The following ROPN1B variants were observed in gnomAD, a reference collection of about 807,000 sequenced individuals.
ROPN1B encodes the protein ropporin-1B.
A neutral mutation model predicts 23.7 loss-of-function variants in ROPN1B; 13 were observed. The observed-to-expected ratio is 0.55, with a 90% CI of 0.36 to 0.87. The LOEUF (loss-of-function observed/expected upper bound fraction) is 0.87, where lower values mean the gene tolerates loss of function less well. Ranked by LOEUF, ROPN1B falls within the 40% of genes least tolerant of loss-of-function variation. The pLI, the probability that ROPN1B is intolerant of heterozygous loss-of-function variation, is 0.01. For missense variants in ROPN1B, 183 were observed against 249.2 expected (o/e 0.73, Z 1.79); for synonymous variants, 67 against 100.4 (o/e 0.67, Z 1.99).
chr3:125,970,775 A>C (rs1938171958), intron 1 of ROPN1B, among the ~76,000 whole-genome samples: 1 of 152,224 alleles, frequency 6.6e-6, no homozygotes, highest in Non-Finnish European at 1.5e-5. Flanking sequence ...AAAAGAACAT[A>C]AATAAAGTAA....
chr3:125,975,633 A>G lies in ROPN1B; in HGVS notation c.187A>G (p.Asn63Asp). ...GCGGTCTGAGCGAGTCGCTTTGTGTAACTGGGCAGAGCTAACACCTGAGCT... is the reference window on the plus strand; with the variant it reads ...GCGGTCTGAGCGAGTCGCTTTGTGTGACTGGGCAGAGCTAACACCTGAGCT... ...RERSERVALC[N>D]WAELTPELLK... is the part of the protein sequence containing the mutation. Residue 63 changes from asparagine (N) to aspartate (D), a missense_variant, in exon 4 of 7, where the codon AAC becomes GAC. By Grantham distance (23) the Asn-to-Asp change is conservative (BLOSUM62 1). Transcript: ENST00000514116. 6.2e-7 allele frequency: 1 copy of G among 1,604,314 alleles called. No individual in the cohort carries two copies. Among genetic ancestry groups the G allele is most frequent in the East Asian group, 2.3e-5 (1 of 43,940 alleles).
At chr3:125,975,923 G>A (rs187795837) in intron 4 of ROPN1B, among the ~76,000 whole-genome samples, 2 of 152,346 alleles carry the variant, frequency 1.3e-5, no homozygotes, top group Admixed American at 6.5e-5. Flanking sequence ...AGAATGTACA[G>A]GGGCTCAATG....
At chr3:125,980,813 T>TG (rs1938586972) in intron 5 of ROPN1B, among the ~76,000 whole-genome samples, 1 of 152,054 alleles carries the variant, frequency 6.6e-6, no homozygotes, top group Non-Finnish European at 1.5e-5. Flanking sequence ...AAGTTCAGAG[T>TG]GTGCTTGCAA....
At chr3:125,978,897 C>G (rs1002259102) in intron 5 of ROPN1B, among the ~76,000 whole-genome samples, 1 of 152,132 alleles carries the variant, frequency 6.6e-6, no homozygotes, top group Non-Finnish European at 1.5e-5. Flanking sequence ...TCCAACCCTC[C>G]CTCTGCTTAG....
chr3:125,979,049 C>G (rs1470844077), intron 5 of ROPN1B, among the ~76,000 whole-genome samples: 2 of 152,186 alleles, frequency 1.3e-5, no homozygotes, highest in Non-Finnish European at 2.9e-5. Flanking sequence ...TCATCTACCT[C>G]TGACATCCTG....
At chr3:125,975,130 A>G (rs1938357401) in intron 3 of ROPN1B, among the ~76,000 whole-genome samples, 1 of 152,172 alleles carries the variant, frequency 6.6e-6, no homozygotes, top group African/African-American at 2.4e-5. Context: ...GGCCGTAGCC[A>G]CCATTCCTGT....
At chr3:125,978,637 G>T (rs768565834) in intron 5 of ROPN1B, among the ~76,000 whole-genome samples, 2 of 152,164 alleles carry the variant, frequency 1.3e-5, no homozygotes, top group South Asian at 4.1e-4. Context: ...CTGTCTGGTC[G>T]CTAGCTGCTT....
intron 1 of ROPN1B, among the ~76,000 whole-genome samples, chr3:125,969,864 G>A (rs528120347): frequency 5.6e-3 from 841 of 150,218 alleles, no homozygotes; most frequent in African/African-American, 0.019. Context: ...TTTATACCTG[G>A]CACTTCATAG....
At position 125,983,243 on chromosome 3, in the gene ROPN1B, T is replaced by C. The variant is rs374551268; in HGVS notation, c.573-11T>C. The C allele has an allele frequency of 3.7e-6, 6 of 1,602,782 alleles. No homozygotes were observed. The highest frequency in any genetic ancestry group is 5.1e-6 in the Non-Finnish European group (6 of 1,170,050). On this transcript the variant is annotated splice_polypyrimidine_tract_variant and intron_variant, in intron 6 of 6. Coordinates refer to ENST00000514116, the MANE Select transcript of ROPN1B (RefSeq NM_001308313.2). ...AATGAACTAACTGCAGATATACCTT[T>C]ATCCAAACAGAATTGGTCCTGATGG...
chr3:125,972,268 G>C (rs1938243589), intron 3 of ROPN1B, 98 bp downstream of exon 3: 1 of 1,052,052 alleles, frequency 9.5e-7, no homozygotes, highest in Non-Finnish European at 1.4e-6. Flanking sequence ...CCAGGGGGTC[G>C]GGACTAACTG....
intron 4 of ROPN1B, among the ~76,000 whole-genome samples, chr3:125,976,159 G>A (rs1938405910): frequency 6.6e-6 from 1 of 152,118 alleles, no homozygotes; most frequent in South Asian, 2.1e-4. Context: ...GAATGCATGA[G>A]GAGGGTCCGG....
intron 5 of ROPN1B, among the ~76,000 whole-genome samples, chr3:125,981,264 G>A (rs1201740299): frequency 6.6e-6 from 1 of 152,192 alleles, no homozygotes; most frequent in Admixed American, 6.5e-5. Flanking sequence ...ACCACAGTTA[G>A]AGAAGCCTCA....
At chr3:125,982,573 C>T in intron 6 of ROPN1B, 128 bp downstream of exon 6, 1 of 743,374 alleles carries the variant, frequency 1.3e-6, no homozygotes, top group East Asian at 3.2e-5. Flanking sequence ...AAATATCGAT[C>T]TGAAAGAAAA....
intron 5 of ROPN1B, among the ~76,000 whole-genome samples, chr3:125,981,554 T>G (rs1938612557): frequency 6.6e-6 from 1 of 152,208 alleles, no homozygotes; most frequent in South Asian, 2.1e-4. Context: ...GGTGGGTTAT[T>G]TAAAGACATG....
At chr3:125,981,915 T>C (rs1938622328) in intron 5 of ROPN1B, among the ~76,000 whole-genome samples, 2 of 152,156 alleles carry the variant, frequency 1.3e-5, no homozygotes, top group African/African-American at 2.4e-5. Context: ...AGAGATAAGA[T>C]TGGAGGGTAA....
chr3:125,982,536 C>A, intron 6 of ROPN1B, 91 bp downstream of exon 6: 2 of 1,064,972 alleles, frequency 1.9e-6, no homozygotes, highest in Non-Finnish European at 2.6e-6. Flanking sequence ...TATTATACTG[C>A]TCTGGGAACA....
At chr3:125,979,314 G>C (rs141506854) in intron 5 of ROPN1B, among the ~76,000 whole-genome samples, 1 of 152,094 alleles carries the variant, frequency 6.6e-6, no homozygotes, top group Non-Finnish European at 1.5e-5. Flanking sequence ...CTTAAATGTG[G>C]GGTTGGTCAG....
rs923801859 is a variant in ROPN1B, at chr3:125,982,439, A to G, written c.566A>G (p.Gln189Arg). The G allele has an allele frequency of 6.3e-7, 1 of 1,594,870 alleles. No individual in the cohort carries two copies. Among genetic ancestry groups the G allele is most frequent in the East Asian group, 2.3e-5 (1 of 44,164 alleles). Residue 189 changes from glutamine to arginine, a missense_variant, in exon 6 of 7, where the codon CAG becomes CGG. Gln to Arg is a conservative substitution (Grantham distance 43). This residue lies in a region of ROPN1B where 80 missense variants were observed against 98.0 expected (regional missense o/e 0.82). Coordinates refer to ENST00000514116, the MANE Select transcript of ROPN1B (RefSeq NM_001308313.2). ...AGCAGGATGCTAAACTACATTGAAC[A>G]GGAAGTGTAAGTTAACTTTTACCAA... ...HVSRMLNYIEQEVIGPDGLIT... is the reference protein window; with the variant it reads ...HVSRMLNYIEREVIGPDGLIT...
chr3:125,979,710 G>C (rs1476678729), intron 5 of ROPN1B, among the ~76,000 whole-genome samples: 8 of 152,224 alleles, frequency 5.3e-5, no homozygotes, highest in African/African-American at 1.9e-4. Flanking sequence ...TATCCTTAGA[G>C]GCAAGCCCAG....
Sources: gnomAD v4.1 joint callset for allele counts (sites outside exome capture counted in the v4.1 genomes callset) on GRCh38, gnomAD v4.1.1 for gene constraint, gnomAD v4.1.1 regional missense constraint, MANE v1.5 for transcripts, NCBI Gene and HGNC (gene_info 2026-07-23, HGNC 2026-07-21) for gene names.